The following ZMYM6 variants were observed in gnomAD, a reference collection of about 807,000 sequenced individuals.
ZMYM6 encodes the protein zinc finger MYM-type protein 6.
ZMYM6 carries 90 observed loss-of-function variants against 134.0 expected under a neutral mutation model. That is an observed-to-expected ratio of 0.67 (90% CI 0.57 to 0.80). The LOEUF is 0.80. Ranked by LOEUF, ZMYM6 falls within the 30% of genes least tolerant of loss-of-function variation. The pLI is 0.00. For synonymous variants in ZMYM6, 481 were observed against 524.1 expected (o/e 0.92, Z 1.12); for missense variants, 1,362 against 1,533.9 (o/e 0.89, Z 1.87).
intron 4 of ZMYM6, chr1:35,017,226 T>G (rs574887328): frequency 9.8e-5 from 15 of 152,328 alleles, no homozygotes; most frequent in Non-Finnish European, 1.6e-4. Context: ...TACAGGTATA[T>G]TCAATGGTAA....
intron 4 of ZMYM6, chr1:35,017,425 G>C (rs188968757): frequency 6.6e-6 from 1 of 152,098 alleles, no homozygotes; most frequent in Non-Finnish European, 1.5e-5. Context: ...ATCTGCCAGT[G>C]GCATAATAAG....
chr1:35,013,099 G>T, intron 6 of ZMYM6: 1 of 887,742 alleles, frequency 1.1e-6, no homozygotes, highest in Non-Finnish European at 1.3e-6. Context: ...CATGTTTTAA[G>T]AAATAATAAA....
intron 14 of ZMYM6, 86 bp downstream of exon 14, chr1:35,003,882 G>A (rs1009521745): frequency 1.6e-6 from 2 of 1,226,868 alleles, no homozygotes; most frequent in African/African-American, 1.5e-5. Flanking sequence ...AAAAAGAAAA[G>A]TATTCAGATA....
At position 35,010,851 on chromosome 1, in the gene ZMYM6, G is replaced by C; in HGVS notation, c.1248C>G (p.Ser416=). The change falls in exon 9 of 16, where the codon TCC becomes TCG. Residue 416 remains serine (S), a synonymous_variant. Coordinates refer to ENST00000357182, the MANE Select transcript of ZMYM6 (RefSeq NM_007167.4). The part of the protein sequence containing the change: ...AASLQPLAEQ[S]QQVALTHTVV... ...CTGTATGGGTTAAAGCAACTTGCTG[G>C]GATTGTTCAGCAAGAGGTTGGAGGC... 4.3e-6 allele frequency: 7 copies of C among 1,613,812 alleles called. No homozygotes were observed. The highest frequency in any genetic ancestry group is 5.9e-6 in the Non-Finnish European group (7 of 1,179,910).
intron 2 of ZMYM6, among the ~76,000 whole-genome samples, chr1:35,029,122 G>A (rs1451781291): frequency 1.3e-5 from 2 of 152,100 alleles, no homozygotes; most frequent in African/African-American, 4.8e-5. Context: ...AACCCGGGAT[G>A]TGAAAGTTGC....
intron 10 of ZMYM6, 82 bp from the exon 11 acceptor site, chr1:35,009,006 A>T (rs937419355): frequency 1.9e-5 from 27 of 1,421,988 alleles, no homozygotes; most frequent in Non-Finnish European, 2.5e-5. Context: ...GGTCTTAGAT[A>T]TGAAACTTTA....
chr1:35,013,014 A>G (rs770305988), intron 6 of ZMYM6: 4 of 970,178 alleles, frequency 4.1e-6, no homozygotes, highest in Non-Finnish European at 4.9e-6. Flanking sequence ...TATTTAATGT[A>G]TATTAATAGA....
In ZMYM6 at chr1:35,010,926, ACCT is replaced by A. The variant is rs1323241423; in HGVS notation, c.1170_1172del (p.Gly391del). On this transcript the variant is annotated inframe_deletion, in exon 9 of 16. Coordinates refer to ENST00000357182, the MANE Select transcript of ZMYM6 (RefSeq NM_007167.4). ...AGCTGGGGGAAACGGCAGAGGTGTT[ACCT>A]CCTCCTATTGACACTGCTGACCTGG... 2 of 1,612,722 alleles carry A rather than the reference ACCT, an allele frequency of 1.2e-6. No individual in the cohort carries two copies. The highest frequency in any genetic ancestry group is 4.5e-5 in the East Asian group (2 of 44,868).
rs189630722 is a variant in ZMYM6, at chr1:34,992,464, G to T, written c.1993-77C>A. On this transcript the variant is annotated intron_variant, in intron 14 of 15. Coordinates refer to ENST00000357182, the MANE Select transcript of ZMYM6 (RefSeq NM_007167.4). The stretch of plus-strand genomic sequence containing the variant: ...TCACTGACTATAATTGCTATCAATT[G>T]AAAGTTCATATACATCAAGAGAAAT... The T allele has an allele frequency of 4.1e-4, 598 of 1,464,550 alleles. 5 individuals carry two copies. In the African/African-American group the frequency reaches 7.7e-3, roughly 19 times the overall value. 90.7% of individuals were successfully genotyped at this position (1,464,550 alleles called of 1,614,324 possible).
intron 14 of ZMYM6, among the ~76,000 whole-genome samples, chr1:34,993,585 C>T (rs1640723810): frequency 6.6e-6 from 1 of 152,174 alleles, no homozygotes; most frequent in African/African-American, 2.4e-5. Flanking sequence ...TTCACCTTTG[C>T]CATGTAATGT....
At chr1:35,004,534 G>A (rs1197186554) in intron 13 of ZMYM6, among the ~76,000 whole-genome samples, 2 of 151,918 alleles carry the variant, frequency 1.3e-5, no homozygotes, top group Non-Finnish European at 2.9e-5. Flanking sequence ...GCTTGAACTC[G>A]GGAGGCGGAG....
Position 34,988,849 on chromosome 1 carries a change from C to CATA in ZMYM6, c.2230_2232dup (p.Tyr744dup). ...AAACCAACTTTTAAATATTCTGTAT[C>CATA]ATAAGTCTGGAAAAAACCTAATCTT... On this transcript the variant is annotated inframe_insertion, in exon 16 of 16. Transcript: ENST00000357182. 6.3e-7 allele frequency: 1 copy of CATA among 1,596,522 alleles called. No homozygotes were observed.
chr1:34,989,172 G>A, intron 15 of ZMYM6: 2 of 1,273,522 alleles, frequency 1.6e-6, no homozygotes, highest in South Asian at 1.9e-5. Flanking sequence ...TGTGGTACAT[G>A]TACAAGTAAT....
In ZMYM6 at chr1:35,030,609, T is replaced by G. The variant is rs1641503664; in HGVS notation, c.31A>C (p.Lys11Gln). The change falls in exon 2 of 16, where the codon AAA (lysine) becomes CAA (glutamine). Residue 11 changes from lysine to glutamine, a missense_variant. Coordinates refer to ENST00000357182, the MANE Select transcript of ZMYM6 (RefSeq NM_007167.4). The stretch of plus-strand genomic sequence containing the variant: ...AGCTCCTGCTGTGGTACCACTGCTT[T>G]GCCACATTCACCATCCAAAGGTTCT... MKEPLDGECG[K>Q]AVVPQQELLD... is the part of the protein sequence containing the mutation. The G allele has an allele frequency of 6.2e-7, 1 of 1,613,772 alleles. No homozygotes were observed. The highest frequency in any genetic ancestry group is 8.5e-7 in the Non-Finnish European group (1 of 1,180,012).
At position 35,011,946 on chromosome 1, in the gene ZMYM6, T is replaced by G; in HGVS notation, c.1006A>C (p.Met336Leu). The change falls in exon 8 of 16, where the codon ATG (methionine) becomes CTG (leucine). Residue 336 changes from methionine (M) to leucine (L), a missense_variant. Physicochemically the swap from Met to Leu is conservative, Grantham distance 15. Around this residue, in one of 3 missense-constraint regions of ZMYM6, gnomAD observed 503 missense variants for 520.8 expected, o/e 0.97. Transcript: ENST00000357182. ...TSAIPQYHLAMSNGTIYSFCS... is the reference protein window; with the variant it reads ...TSAIPQYHLALSNGTIYSFCS... ...AAGCTGTATATAGTTCCATTTGACA[T>G]GGCTAGGTGATACTGAGGGATTGCT... 1 of 1,611,226 alleles carries G rather than the reference T, an allele frequency of 6.2e-7. No homozygotes were observed. The highest frequency in any genetic ancestry group is 8.5e-7 in the Non-Finnish European group (1 of 1,178,320).
At chr1:35,010,158 C>A (rs764779764) in intron 10 of ZMYM6, among the ~76,000 whole-genome samples, 9 of 151,626 alleles carry the variant, frequency 5.9e-5, no homozygotes, top group Non-Finnish European at 1.3e-4. Context: ...TACAGGCGTG[C>A]GGCACCATGC....
chr1:35,011,955 G>A lies in ZMYM6; in HGVS notation c.997C>T (p.His333Tyr). ...ATAGTTCCATTTGACATGGCTAGGT[G>A]ATACTGAGGGATTGCTGAGGTTTTA... is the stretch of plus-strand genomic sequence containing the variant. ...SCKTSAIPQY[H>Y]LAMSNGTIYS... Residue 333 changes from histidine to tyrosine, a missense_variant, in exon 8 of 16, where the codon CAC becomes TAC. Transcript: ENST00000357182. 1 of 1,610,896 alleles carries A rather than the reference G, an allele frequency of 6.2e-7. No homozygotes were observed. Among genetic ancestry groups the A allele is most frequent in the Non-Finnish European group, 8.5e-7 (1 of 1,178,142 alleles).
chr1:35,013,624 C>T lies in ZMYM6; in HGVS notation c.796-1043G>A, dbSNP rs1022837044. ...ATTACCAACTGCTCAAAGGAAGCAA[C>T]AAATCAAACTTGCTAACTGAAAAAA... On this transcript the variant is annotated intron_variant, in intron 6 of 15. Coordinates refer to ENST00000357182, the MANE Select transcript of ZMYM6 (RefSeq NM_007167.4). The T allele has an allele frequency of 4.1e-6, 4 of 985,182 alleles. No homozygotes were observed. The African/African-American group carries it at 7.0e-5, about 17-fold the overall frequency. 61.0% of individuals were successfully genotyped at this position (985,182 alleles called of 1,614,324 possible).
chr1:35,013,750 G>A (rs1641131288), intron 6 of ZMYM6: 1 of 849,642 alleles, frequency 1.2e-6, no homozygotes, highest in Non-Finnish European at 1.4e-6. Flanking sequence ...GGACTGCAGT[G>A]GCACAATCTC....
Sources: allele counts gnomAD v4.1 joint callset (sites outside exome capture counted in the v4.1 genomes callset), GRCh38; gene constraint gnomAD v4.1.1; regional missense constraint gnomAD v4.1.1; transcripts MANE v1.5; gene names NCBI Gene and HGNC (gene_info 2026-07-23, HGNC 2026-07-21).